Variants in ARHGEF12 observed in about 807,000 individuals in gnomAD.
ARHGEF12 encodes Rho guanine nucleotide exchange factor 12, also known as KMT2A/ARHGEF12 fusion protein.
ARHGEF12 carries 66 observed loss-of-function variants against 211.2 expected under a neutral mutation model. The observed-to-expected ratio is 0.31, with a 90% CI of 0.26 to 0.38. The LOEUF (loss-of-function observed/expected upper bound fraction) is 0.38. Ranked by LOEUF, ARHGEF12 falls within the 10% of genes least tolerant of loss-of-function variation. ARHGEF12 has a pLI of 1.00. For missense variants in ARHGEF12, 1,429 were observed against 1,869.5 expected (o/e 0.76, Z 4.34); for synonymous variants, 592 against 638.4 (o/e 0.93, Z 1.09).
At chr11:120,449,280 C>A in intron 21 of ARHGEF12, 66 bp downstream of exon 21, 1 of 1,262,868 alleles carries the variant, frequency 7.9e-7, no homozygotes, top group Non-Finnish European at 1.1e-6. Context: ...GAGGCTTCTT[C>A]AGCTAGAATG....
intron 8 of ARHGEF12, among the ~76,000 whole-genome samples, chr11:120,428,689 T>A (rs1193193875): frequency 1.3e-5 from 2 of 151,976 alleles, no homozygotes; most frequent in Non-Finnish European, 2.9e-5. Flanking sequence ...AATGTAGACA[T>A]TATGAGGGCA....
At chr11:120,361,443 A>T (rs1164792613) in intron 1 of ARHGEF12, among the ~76,000 whole-genome samples, 4 of 152,230 alleles carry the variant, frequency 2.6e-5, no homozygotes, top group Non-Finnish European at 5.9e-5. Flanking sequence ...GTCTTCCACT[A>T]AATCCGTCCC....
rs766393588 is a variant in ARHGEF12 at position 120,390,019 on chromosome 11, A to G, written c.33-16099A>G. 1.3e-3 allele frequency among the ~76,000 whole-genome samples: 192 copies of G among 152,176 alleles called. 5 individuals carry two copies. Among genetic ancestry groups the G allele is most frequent in the Admixed American group, 3.9e-4 (6 of 15,270 alleles). On this transcript the variant is annotated intron_variant, in intron 1 of 40. Coordinates refer to ENST00000397843, the MANE Select transcript of ARHGEF12 (RefSeq NM_015313.3). ...TGCAGATAACCCTTCGATATCCAGGAGTGTCCTAAATCTAAGGATGTGTCA... is the reference window on the plus strand; with the variant it reads ...TGCAGATAACCCTTCGATATCCAGGGGTGTCCTAAATCTAAGGATGTGTCA...
chr11:120,354,167 A>G (rs532228659), intron 1 of ARHGEF12, among the ~76,000 whole-genome samples: 2 of 152,284 alleles, frequency 1.3e-5, no homozygotes, highest in East Asian at 1.9e-4. Context: ...CTGTTTCACT[A>G]TTCTCAAGAG....
intron 22 of ARHGEF12, among the ~76,000 whole-genome samples, chr11:120,456,841 A>T (rs1472306304): frequency 6.6e-6 from 1 of 152,160 alleles, no homozygotes; most frequent in African/African-American, 2.4e-5. Context: ...AAAAAAATTA[A>T]AAATGAGCCA....
intron 11 of ARHGEF12, among the ~76,000 whole-genome samples, chr11:120,434,336 T>C (rs1591586867): frequency 6.6e-6 from 1 of 152,200 alleles, no homozygotes; most frequent in East Asian, 1.9e-4. Flanking sequence ...ATTTCATAGA[T>C]GAGGAAACTG....
At chr11:120,370,414 A>G (rs562155380) in intron 1 of ARHGEF12, among the ~76,000 whole-genome samples, 2 of 152,114 alleles carry the variant, frequency 1.3e-5, no homozygotes, top group African/African-American at 4.8e-5. Context: ...AAATCTCCTT[A>G]CCTTGTTTTT....
chr11:120,409,622 G>C (rs1944822434), intron 4 of ARHGEF12, 172 bp downstream of exon 4: 2 of 599,210 alleles, frequency 3.3e-6, no homozygotes, highest in East Asian at 5.8e-5. Context: ...TTTTAACGTG[G>C]CTGTGATGTG....
chr11:120,447,781 A>T, intron 18 of ARHGEF12, 93 bp from the exon 19 acceptor site: 1 of 837,058 alleles, frequency 1.2e-6, no homozygotes. Context: ...ATGCCATTGC[A>T]CTCCAGCCTG....
Position 120,428,178 on chromosome 11 carries a change from C to A in ARHGEF12, c.516C>A (p.Ile172=), listed in dbSNP as rs751131948. The A allele has an allele frequency of 1.2e-6, 2 of 1,611,762 alleles. No homozygotes were observed. Among genetic ancestry groups the A allele is most frequent in the South Asian group, 2.2e-5 (2 of 90,214 alleles). The change falls in exon 8 of 41, where the codon ATC becomes ATA. Residue 172 remains isoleucine (I), a synonymous_variant. Coordinates refer to ENST00000397843, the MANE Select transcript of ARHGEF12 (RefSeq NM_015313.3). ...EPSVIGHMSP[I]MTSPHSPGAS... ...CAGTCATTGGACATATGTCTCCCAT[C>A]ATGACATCTCCTCATTCACCTGGAG...
At chr11:120,420,460 C>T (rs915709759) in intron 4 of ARHGEF12, among the ~76,000 whole-genome samples, 1 of 152,164 alleles carries the variant, frequency 6.6e-6, no homozygotes, top group African/African-American at 2.4e-5. Flanking sequence ...ATGGGCTTTC[C>T]TTCTAGCTGT....
At chr11:120,339,982 T>C (rs936883365) in intron 1 of ARHGEF12, among the ~76,000 whole-genome samples, 2 of 152,186 alleles carry the variant, frequency 1.3e-5, no homozygotes, top group Non-Finnish European at 2.9e-5. Flanking sequence ...ACTCAAACTA[T>C]GTTCATGGTA....
chr11:120,379,517 G>A (rs1301283220), intron 1 of ARHGEF12, among the ~76,000 whole-genome samples: 2 of 150,248 alleles, frequency 1.3e-5, no homozygotes, highest in Middle Eastern at 3.5e-3. Flanking sequence ...CATTAAGTAC[G>A]ATTTTTTTTT....
intron 38 of ARHGEF12, 149 bp downstream of exon 38, chr11:120,480,579 A>G: frequency 2.4e-6 from 2 of 828,754 alleles, no homozygotes; most frequent in East Asian, 2.7e-5. Flanking sequence ...TTTGATAAAT[A>G]CTGAATCTAC....
rs1947380973 is a variant in ARHGEF12 at position 120,485,754 on chromosome 11, G to T, written c.*677G>T. On this transcript the variant is annotated 3_prime_UTR_variant, in exon 41 of 41. Transcript: ENST00000397843. ...GGTGGTGTGGTCAGAGAGTGGATGG[G>T]CTTCCTCCCGCCCTGAGGCAAGCAC... The T allele has an allele frequency of 4.3e-6, 1 of 233,426 alleles. No individual in the cohort carries two copies. Among genetic ancestry groups the T allele is most frequent in the South Asian group, 1.8e-4 (1 of 5,532 alleles). The allele number at this position is 233,426 out of a possible 1,614,324, so 14.5% of individuals were successfully genotyped here.
chr11:120,432,148 A>G (rs1945563666), intron 11 of ARHGEF12, among the ~76,000 whole-genome samples: 1 of 152,198 alleles, frequency 6.6e-6, no homozygotes, highest in African/African-American at 2.4e-5. Context: ...CAGGGATGGA[A>G]TTTCCCAGCA....
chr11:120,438,286 C>A (rs1462758675), intron 12 of ARHGEF12, among the ~76,000 whole-genome samples: 2 of 147,918 alleles, frequency 1.4e-5, no homozygotes, highest in Admixed American at 1.3e-4. Context: ...GTTGTTTCAC[C>A]TAATTTCTTT....
Position 120,420,832 on chromosome 11 carries a change from C to A in ARHGEF12, c.279C>A (p.Phe93Leu). The change falls in exon 5 of 41, where the codon TTC becomes TTA. Residue 93 changes from phenylalanine to leucine, a missense_variant. Coordinates refer to ENST00000397843, the MANE Select transcript of ARHGEF12 (RefSeq NM_015313.3). ...CGGTCAGTGGAGACAATCCAGTCTTCGTACAGTCTGTCAAAGAAGGCAAGG... is the reference window on the plus strand; with the variant it reads ...CGGTCAGTGGAGACAATCCAGTCTTAGTACAGTCTGTCAAAGAAGGCAAGG... ...GLTVSGDNPV[F>L]VQSVKEDGAA... 3.7e-6 allele frequency: 6 copies of A among 1,613,990 alleles called. No homozygotes were observed. Among genetic ancestry groups the A allele is most frequent in the Non-Finnish European group, 5.1e-6 (6 of 1,179,932 alleles).
intron 1 of ARHGEF12, among the ~76,000 whole-genome samples, chr11:120,402,844 C>T (rs573754393): frequency 2.0e-4 from 31 of 152,208 alleles, no homozygotes; most frequent in Admixed American, 4.6e-4. Context: ...AAATATGTGA[C>T]GACACAAAAC....
Sources: gnomAD v4.1 joint callset for allele counts (sites outside exome capture counted in the v4.1 genomes callset) on GRCh38, gnomAD v4.1.1 for gene constraint, MANE v1.5 for transcripts, NCBI Gene and HGNC (gene_info 2026-07-23, HGNC 2026-07-21) for gene names.